Variants in BCL2L11 observed in about 807,000 individuals in gnomAD.
BCL2L11 encodes bcl-2-like protein 11.
BCL2L11 carries 15 observed loss-of-function variants against 20.6 expected under a neutral mutation model. That is an observed-to-expected ratio of 0.73 (90% CI 0.49 to 1.12). BCL2L11 has a LOEUF of 1.12. BCL2L11 is among the 50% of genes most tolerant of loss of function. BCL2L11 has a pLI of 0.00. For missense variants in BCL2L11, 292 were observed against 260.9 expected (o/e 1.12, Z -0.82); for synonymous variants, 108 against 92.8 (o/e 1.16, Z -0.94).
intron 2 of BCL2L11, among the ~76,000 whole-genome samples, chr2:111,137,974 G>A (rs914274434): frequency 6.6e-6 from 1 of 151,140 alleles, no homozygotes; most frequent in African/African-American, 2.4e-5. Context: ...TTTCGTTACA[G>A]GTGGGCTTTT....
At chr2:111,148,062 A>G (rs936827147) in intron 2 of BCL2L11, among the ~76,000 whole-genome samples, 1 of 152,248 alleles carries the variant, frequency 6.6e-6, no homozygotes, top group Non-Finnish European at 1.5e-5. Context: ...CAGTCTGCCA[A>G]CTTTATAAAA....
At chr2:111,122,363 G>C (rs1198228470) in intron 1 of BCL2L11, among the ~76,000 whole-genome samples, 1 of 152,202 alleles carries the variant, frequency 6.6e-6, no homozygotes. Flanking sequence ...GGAGCACAGG[G>C]ATGGGCAGGG....
intron 2 of BCL2L11, among the ~76,000 whole-genome samples, chr2:111,129,873 A>T (rs990749903): frequency 6.6e-6 from 1 of 152,148 alleles, no homozygotes; most frequent in African/African-American, 2.4e-5. Context: ...ACTGTATGTG[A>T]CCTTTTGAGA....
In BCL2L11 at chr2:111,123,207, C is replaced by G. The variant is rs565062367; in HGVS notation, c.-13-526C>G. 48 of 985,480 alleles carry G rather than the reference C, an allele frequency of 4.9e-5. No homozygotes were observed. In the Admixed American group the frequency reaches 1.1e-3, roughly 23 times the overall value. 61.0% of individuals were successfully genotyped at this position (985,480 alleles called of 1,614,324 possible). On this transcript the variant is annotated intron_variant, in intron 1 of 3. Coordinates refer to ENST00000393256, the MANE Select transcript of BCL2L11 (RefSeq NM_138621.5). ...CCGAGCCGCGCTGGAGTTACAAACT[C>G]TATTGTGACGCACTTACTACGACTG...
rs772636354 is a variant in BCL2L11, at chr2:111,164,171, A to G, written c.537A>G (p.Pro179=). The part of the protein sequence containing the change: ...LNNYQAAEDH[P]RMVILRLLRY... ...ATTACCAAGCAGCCGAAGACCACCC[A>G]CGAATGGTTATCTTACGACTGTTAC... The change falls in exon 4 of 4, where the codon CCA becomes CCG. Residue 179 remains proline, a synonymous_variant. Transcript: ENST00000393256. The G allele has an allele frequency of 5.6e-6, 9 of 1,599,388 alleles. No homozygotes were observed. The highest frequency in any genetic ancestry group is 7.7e-6 in the Non-Finnish European group (9 of 1,170,746).
chr2:111,161,667 C>A, intron 3 of BCL2L11: 2 of 1,186,262 alleles, frequency 1.7e-6, no homozygotes, highest in Non-Finnish European at 2.3e-6. Context: ...CCCTGCAATA[C>A]AGGGATTGTC....
At chr2:111,123,560 C>A in intron 1 of BCL2L11, 173 bp from the exon 2 acceptor site, 1 of 976,928 alleles carries the variant, frequency 1.0e-6, no homozygotes. Flanking sequence ...AAAAAAATTA[C>A]ACCTTTATTA....
chr2:111,143,895 C>T (rs1448952297), intron 2 of BCL2L11, among the ~76,000 whole-genome samples: 1 of 152,096 alleles, frequency 6.6e-6, no homozygotes, highest in Non-Finnish European at 1.5e-5. Context: ...TGTCTTTAGA[C>T]TTGTATTTTT....
At position 111,167,855 on chromosome 2, in the gene BCL2L11, A is replaced by G. The variant is rs1171948995; in HGVS notation, c.*3624A>G. On this transcript the variant is annotated 3_prime_UTR_variant, in exon 4 of 4. Coordinates refer to ENST00000393256, the MANE Select transcript of BCL2L11 (RefSeq NM_138621.5). ...GTCGATGCCCTCCTTCTGATACTCC[A>G]TCTCCTTCAGGGGAGGTTGGGGCCC... The G allele has an allele frequency of 6.6e-6, 1 of 152,626 alleles. No individual in the cohort carries two copies. The highest frequency in any genetic ancestry group is 2.4e-5 in the African/African-American group (1 of 41,378). The allele number at this position is 152,626 out of a possible 1,614,324, so 9.5% of individuals were successfully genotyped here.
Position 111,153,656 on chromosome 2 carries a change from T to G in BCL2L11, c.498+3509T>G. On this transcript the variant is annotated intron_variant, in intron 3 of 3. Coordinates refer to ENST00000393256, the MANE Select transcript of BCL2L11 (RefSeq NM_138621.5). ...TCACTGTGCTGCTTTAGGATGGATA[T>G]TAACCTTTTAAATGTTGAGTGTCTT... The G allele has an allele frequency of 5.0e-6, 6 of 1,192,032 alleles. No individual in the cohort carries two copies. The South Asian group carries it at 7.1e-5, about 14-fold the overall frequency. 73.8% of individuals were successfully genotyped at this position (1,192,032 alleles called of 1,614,324 possible).
intron 3 of BCL2L11, chr2:111,161,435 A>T (rs1307467812): frequency 6.4e-7 from 1 of 1,550,464 alleles, no homozygotes; most frequent in Non-Finnish European, 8.7e-7. Context: ...CTTCCACCTG[A>T]TTAAGAACCA....
At chr2:111,161,334 C>T (rs575027994) in intron 3 of BCL2L11, 37 of 1,475,300 alleles carry the variant, frequency 2.5e-5, no homozygotes, top group Middle Eastern at 1.7e-4. Context: ...TTTTAAAAAA[C>T]GCTTGTAATC....
At chr2:111,163,013 A>T (rs2078749651) in intron 3 of BCL2L11, 1 of 152,240 alleles carries the variant, frequency 6.6e-6, no homozygotes, top group South Asian at 2.1e-4. Flanking sequence ...CAATCTTGTT[A>T]TGGAAGGAAA....
Position 111,164,363 on chromosome 2 carries a change from T to G in BCL2L11, c.*132T>G, listed in dbSNP as rs114776970. On this transcript the variant is annotated 3_prime_UTR_variant, in exon 4 of 4. Coordinates refer to ENST00000393256, the MANE Select transcript of BCL2L11 (RefSeq NM_138621.5). ...TCTTGTGGAGGGGGCAGGTGACGTT[T>G]CAGAAGACACCGAGCTGGATGGGAC... 3.9e-3 allele frequency: 2,619 copies of G among 679,508 alleles called. 49 individuals carry two copies. The African/African-American group carries it at 0.042, about 11-fold the overall frequency. 42.1% of individuals were successfully genotyped at this position (679,508 alleles called of 1,614,324 possible).
chr2:111,159,330 A>G (rs1391909579), intron 3 of BCL2L11, among the ~76,000 whole-genome samples: 1 of 152,210 alleles, frequency 6.6e-6, no homozygotes, highest in African/African-American at 2.4e-5. Flanking sequence ...GCTGCAAAAC[A>G]GCATAGGGAA....
intron 2 of BCL2L11, among the ~76,000 whole-genome samples, chr2:111,135,045 G>A (rs2074614666): frequency 6.6e-6 from 1 of 152,134 alleles, no homozygotes; most frequent in South Asian, 2.1e-4. Flanking sequence ...CACGTTTTAT[G>A]CCAGGTTTGG....
At position 111,165,112 on chromosome 2, in the gene BCL2L11, A is replaced by G. The variant is rs2078962483; in HGVS notation, c.*881A>G. On this transcript the variant is annotated 3_prime_UTR_variant, in exon 4 of 4. Coordinates refer to ENST00000393256, the MANE Select transcript of BCL2L11 (RefSeq NM_138621.5). Reference sequence around the variant, plus strand: ...AGCGATCTGTTATTAACTGGGAAGCATTTGGTGTTGGTTTTCATTCCATTT... The same window carrying G: ...AGCGATCTGTTATTAACTGGGAAGCGTTTGGTGTTGGTTTTCATTCCATTT... 2 of 152,216 alleles carry G rather than the reference A, an allele frequency of 1.3e-5. No individual in the cohort carries two copies. Among genetic ancestry groups the G allele is most frequent in the Non-Finnish European group, 2.9e-5 (2 of 68,048 alleles). 9.4% of individuals were successfully genotyped at this position (152,216 alleles called of 1,614,324 possible).
At chr2:111,154,115 C>T (rs558213509) in intron 3 of BCL2L11, among the ~76,000 whole-genome samples, 1 of 152,280 alleles carries the variant, frequency 6.6e-6, no homozygotes, top group Non-Finnish European at 1.5e-5. Context: ...ATCTGCCCCA[C>T]TTGTTTTCAT....
intron 3 of BCL2L11, chr2:111,161,487 A>T: frequency 6.5e-7 from 1 of 1,550,330 alleles, no homozygotes; most frequent in Non-Finnish European, 8.7e-7. Context: ...GCGGGAGGCC[A>T]GCTCTGCAGA....
Sources: allele counts gnomAD v4.1 joint callset (sites outside exome capture counted in the v4.1 genomes callset), GRCh38; gene constraint gnomAD v4.1.1; transcripts MANE v1.5; gene names NCBI Gene and HGNC (gene_info 2026-07-23, HGNC 2026-07-21).